Variants in DNAJC17 observed in about 807,000 individuals in gnomAD.
DNAJC17 encodes the protein DnaJ heat shock protein family (Hsp40) member C17, also known as dnaJ homolog subfamily C member 17.
Under a neutral mutation model 48.1 loss-of-function variants are expected in DNAJC17, and 35 were observed. The observed-to-expected ratio is 0.73, with a 90% confidence interval of 0.56 to 0.96. DNAJC17 has a LOEUF of 0.96. Ranked by LOEUF, DNAJC17 falls within the 50% of genes least tolerant of loss-of-function variation. The pLI is 0.00. For synonymous variants in DNAJC17, 117 were observed against 142.7 expected (o/e 0.82, Z 1.28); for missense variants, 355 against 377.1 (o/e 0.94, Z 0.48).
chr15:40,792,069 G>A (rs774924114), intron 1 of DNAJC17, among the ~76,000 whole-genome samples: 20 of 152,142 alleles, frequency 1.3e-4, no homozygotes, highest in Non-Finnish European at 2.4e-4. Context: ...CATCTCCTGC[G>A]ACCTCCTCAG....
chr15:40,775,468 AC>A, intron 7 of DNAJC17, 84 bp downstream of exon 7: 2 of 1,480,854 alleles, frequency 1.4e-6, no homozygotes, highest in Non-Finnish European at 1.9e-6. Context: ...CCCACCAGAA[AC>A]CCTCGAGCCA....
At chr15:40,800,819 C>A (rs543852098) in intron 1 of DNAJC17, among the ~76,000 whole-genome samples, 30 of 152,048 alleles carry the variant, frequency 2.0e-4, no homozygotes, top group African/African-American at 7.2e-4. Context: ...ATTAGCCAGG[C>A]GTGGTGGCAG....
chr15:40,789,783 G>T (rs1285820564), intron 1 of DNAJC17, among the ~76,000 whole-genome samples: 7 of 151,254 alleles, frequency 4.6e-5, no homozygotes, highest in Non-Finnish European at 1.5e-5. Context: ...TTAGTAAAAA[G>T]AAATTAGTTG....
intron 1 of DNAJC17, chr15:40,792,330 C>T: frequency 4.9e-6 from 2 of 411,738 alleles, no homozygotes; most frequent in Non-Finnish European, 6.5e-6. Context: ...AATATAACCT[C>T]CCTCCCAGAA....
intron 1 of DNAJC17, among the ~76,000 whole-genome samples, chr15:40,780,792 G>A (rs943419301): frequency 6.6e-6 from 1 of 151,072 alleles, no homozygotes; most frequent in African/African-American, 2.4e-5. Flanking sequence ...CCGGCCTGGC[G>A]ACAGAGCAAG....
chr15:40,768,485 C>T (rs1889020901), intron 10 of DNAJC17, among the ~76,000 whole-genome samples: 1 of 152,198 alleles, frequency 6.6e-6, no homozygotes, highest in Non-Finnish European at 1.5e-5. Context: ...GCACTTGGCT[C>T]TGCTGGGCAC....
At position 40,774,427 on chromosome 15, in the gene DNAJC17, C is replaced by T. The variant is rs117485355; in HGVS notation, c.610G>A (p.Val204Ile). The change falls in exon 9 of 11, where the codon GTT becomes ATT. Residue 204 changes from valine (V) to isoleucine (I), a missense_variant. Val to Ile is a conservative substitution (Grantham distance 29). This residue lies in a region of DNAJC17 where 68 missense variants were observed against 109.5 expected (regional missense o/e 0.62). Transcript: ENST00000220496. ...LLRLLQKYGE[V>I]LNLVLSSKKP... ...TTACTGGAAAGCACCAGGTTGAGAA[C>T]CTCACCATACTGTGGGGACAAAGGG... 1 of 1,614,036 alleles carries T rather than the reference C, an allele frequency of 6.2e-7. No individual in the cohort carries two copies. The highest frequency in any genetic ancestry group is 1.3e-5 in the African/African-American group (1 of 75,080).
rs1889436723 is a variant in DNAJC17 at position 40,779,965 on chromosome 15, G to A, written c.111C>T (p.Ser37=). ...VKKAYRQKAL[S]CHPDKNPDNP... ...TATCTGGATTTTTGTCTGGGTGGCAGGAGAGGGCCTTCTGCCTATACGCCT... is the reference window on the plus strand; with the variant it reads ...TATCTGGATTTTTGTCTGGGTGGCAAGAGAGGGCCTTCTGCCTATACGCCT... Residue 37 remains serine, a synonymous_variant, in exon 2 of 11, where the codon TCC becomes TCT. Transcript: ENST00000220496. The A allele has an allele frequency of 6.2e-7, 1 of 1,614,166 alleles. No individual in the cohort carries two copies. The highest frequency in any genetic ancestry group is 1.3e-5 in the African/African-American group (1 of 75,048).
In DNAJC17 at chr15:40,767,830, GC is replaced by G. The variant is rs943591047; in HGVS notation, c.*109del. 2.3e-4 allele frequency: 336 copies of G among 1,481,794 alleles called. 6 individuals carry two copies. The Admixed American group carries it at 7.2e-3, about 32-fold the overall frequency. 91.8% of individuals were successfully genotyped at this position (1,481,794 alleles called of 1,614,324 possible). On this transcript the variant is annotated 3_prime_UTR_variant, in exon 11 of 11. Coordinates refer to ENST00000220496, the MANE Select transcript of DNAJC17 (RefSeq NM_018163.3). ...CCTGGGTGGAGCGCTCTGCGGCAGA[GC>G]CCAGCACCTTATACCTATGTATGGG... is the stretch of plus-strand genomic sequence containing the variant.
At chr15:40,796,969 G>A (rs981666707) in intron 1 of DNAJC17, among the ~76,000 whole-genome samples, 1 of 151,828 alleles carries the variant, frequency 6.6e-6, no homozygotes, top group Non-Finnish European at 1.5e-5. Flanking sequence ...GTTTTGCCGT[G>A]TTGCTCAGGC....
chr15:40,779,681 A>T, intron 2 of DNAJC17, 78 bp from the exon 3 acceptor site: 3 of 1,506,442 alleles, frequency 2.0e-6, no homozygotes, highest in Non-Finnish European at 2.7e-6. Context: ...AAAAAAAAAA[A>T]AATCTTCAAA....
intron 1 of DNAJC17, among the ~76,000 whole-genome samples, chr15:40,805,913 G>GA (rs5812171): frequency 5.3e-4 from 80 of 150,078 alleles, no homozygotes; most frequent in African/African-American, 1.7e-3. Flanking sequence ...ATACTATCCA[G>GA]AAAAAAAAAA....
intron 1 of DNAJC17, among the ~76,000 whole-genome samples, chr15:40,801,915 T>C (rs535698435): frequency 8.5e-5 from 13 of 152,064 alleles, no homozygotes; most frequent in Non-Finnish European, 1.5e-4. Context: ...CAGGCTCCTC[T>C]AAACATTCAG....
chr15:40,774,962 A>C, intron 8 of DNAJC17, 69 bp downstream of exon 8: 3 of 1,518,622 alleles, frequency 2.0e-6, no homozygotes, highest in Non-Finnish European at 9.1e-7. Flanking sequence ...CATTGAGAGC[A>C]GAGACCTAGG....
chr15:40,806,727 C>T (rs1449624968), intron 1 of DNAJC17, among the ~76,000 whole-genome samples: 1 of 152,184 alleles, frequency 6.6e-6, no homozygotes, highest in East Asian at 1.9e-4. Flanking sequence ...GTGTTTCACT[C>T]CCTGGCATCT....
chr15:40,774,753 C>T (rs1463931351), intron 8 of DNAJC17, among the ~76,000 whole-genome samples: 1 of 152,220 alleles, frequency 6.6e-6, no homozygotes, highest in Non-Finnish European at 1.5e-5. Flanking sequence ...CGCACCTCGT[C>T]CCTCCCAACC....
intron 1 of DNAJC17, among the ~76,000 whole-genome samples, chr15:40,781,781 G>C (rs1465206045): frequency 6.8e-6 from 1 of 148,070 alleles, no homozygotes; most frequent in South Asian, 2.1e-4. Context: ...AATTAGCCAG[G>C]CATGGTGGCG....
chr15:40,768,620 C>T (rs1431613967), intron 10 of DNAJC17, among the ~76,000 whole-genome samples: 1 of 152,204 alleles, frequency 6.6e-6, no homozygotes, highest in Non-Finnish European at 1.5e-5. Flanking sequence ...AAGCATGAGG[C>T]CAGCGTGCCT....
chr15:40,771,408 G>A (rs902824382), intron 10 of DNAJC17: 2 of 269,090 alleles, frequency 7.4e-6, no homozygotes, highest in African/African-American at 4.4e-5. Context: ...ATCAGGGAGT[G>A]GGAGGACACA....
Sources: gnomAD v4.1 joint callset for allele counts (sites outside exome capture counted in the v4.1 genomes callset) on GRCh38, gnomAD v4.1.1 for gene constraint, gnomAD v4.1.1 regional missense constraint, MANE v1.5 for transcripts, NCBI Gene and HGNC (gene_info 2026-07-23, HGNC 2026-07-21) for gene names.